CNTNAP2: variants seen among roughly 807,000 people sequenced by gnomAD.
CNTNAP2 encodes the protein contactin associated protein 2, also known as contactin-associated protein-like 2.
CNTNAP2 carries 98 observed loss-of-function variants against 155.2 expected under a neutral mutation model. The ratio of observed to expected loss-of-function variants is 0.63; its 90% CI spans 0.54 to 0.75. The LOEUF (loss-of-function observed/expected upper bound fraction) is 0.75. Ranked by LOEUF, CNTNAP2 falls within the 30% of genes least tolerant of loss-of-function variation. CNTNAP2 has a pLI of 0.00. For missense variants in CNTNAP2, 1,727 were observed against 1,688.1 expected (o/e 1.02, Z -0.40); for synonymous variants, 651 against 631.2 (o/e 1.03, Z -0.47).
At chr7:146,691,094 C>G (rs1341063372) in intron 1 of CNTNAP2, among the ~76,000 whole-genome samples, 3 of 152,104 alleles carry the variant, frequency 2.0e-5, no homozygotes, top group African/African-American at 7.2e-5. Context: ...ATATGTGTAC[C>G]TATAGCTGTT....
intron 8 of CNTNAP2, among the ~76,000 whole-genome samples, chr7:147,273,216 C>T (rs920030411): frequency 2.0e-5 from 3 of 152,078 alleles, no homozygotes; most frequent in African/African-American, 4.8e-5. Flanking sequence ...AATTTACAGT[C>T]TACGTTGAGG....
intron 11 of CNTNAP2, among the ~76,000 whole-genome samples, chr7:147,486,449 A>G (rs1437440192): frequency 6.6e-6 from 1 of 152,152 alleles, no homozygotes; most frequent in Non-Finnish European, 1.5e-5. Flanking sequence ...TGGAACATTT[A>G]GTTTCTGGAT....
In CNTNAP2 at chr7:147,132,497, G is replaced by A. The variant is rs956320440; in HGVS notation, c.1336G>A (p.Asp446Asn). ...CACACAGACCAAGATGAGCCAAATC[G>A]ATATTTCCTCAGGTCAGTGAAACCT... ...NITQTKMSQI[D>N]ISSGSGLNDG... The change falls in exon 8 of 24, where the codon GAT becomes AAT. Residue 446 changes from aspartate to asparagine, a missense_variant. Transcript: ENST00000361727. 5.0e-6 allele frequency: 8 copies of A among 1,613,490 alleles called. No individual in the cohort carries two copies. The highest frequency in any genetic ancestry group is 1.7e-4 in the Middle Eastern group (1 of 6,056).
chr7:147,022,784 AT>A (rs757685599), intron 3 of CNTNAP2, among the ~76,000 whole-genome samples: 19 of 152,198 alleles, frequency 1.2e-4, no homozygotes, highest in African/African-American at 2.9e-4. Context: ...TTGCCAAAGT[AT>A]TTTTTTCCTT....
At chr7:146,554,742 A>G (rs1798171717) in intron 1 of CNTNAP2, among the ~76,000 whole-genome samples, 1 of 152,218 alleles carries the variant, frequency 6.6e-6, no homozygotes, top group South Asian at 2.1e-4. Context: ...TGTGCAGGGT[A>G]CCGACCACAG....
intron 3 of CNTNAP2, among the ~76,000 whole-genome samples, chr7:146,928,393 G>A (rs1350727143): frequency 6.6e-6 from 1 of 152,134 alleles, no homozygotes; most frequent in African/African-American, 2.4e-5. Context: ...TGGTCGTTCT[G>A]GGTGATGTGT....
At chr7:146,638,731 C>T (rs370393860) in intron 1 of CNTNAP2, among the ~76,000 whole-genome samples, 11 of 151,452 alleles carry the variant, frequency 7.3e-5, no homozygotes, top group Admixed American at 1.3e-4. Flanking sequence ...GTGATCCACC[C>T]GCCTCGGCCT....
chr7:147,801,719 ACTT>A (rs1643415460), intron 13 of CNTNAP2, among the ~76,000 whole-genome samples: 1 of 152,298 alleles, frequency 6.6e-6, no homozygotes, highest in African/African-American at 2.4e-5. Flanking sequence ...TCCCATGTCT[ACTT>A]CTTTCTACAC....
chr7:146,346,379 A>G (rs1028737277), intron 1 of CNTNAP2, among the ~76,000 whole-genome samples: 3 of 152,170 alleles, frequency 2.0e-5, no homozygotes, highest in African/African-American at 7.2e-5. Context: ...TGGGTTGTGT[A>G]TTCCTTGTAA....
intron 15 of CNTNAP2, among the ~76,000 whole-genome samples, chr7:148,071,523 A>G (rs1803382733): frequency 6.6e-6 from 1 of 152,154 alleles, no homozygotes; most frequent in Non-Finnish European, 1.5e-5. Flanking sequence ...TAAAATATCT[A>G]GTGTGAGAGG....
At chr7:148,121,553 T>C (rs1804595458) in intron 16 of CNTNAP2, among the ~76,000 whole-genome samples, 1 of 152,238 alleles carries the variant, frequency 6.6e-6, no homozygotes, top group Admixed American at 6.5e-5. Flanking sequence ...TTGTTAGGCC[T>C]TCTGATCTCT....
intron 18 of CNTNAP2, among the ~76,000 whole-genome samples, chr7:148,207,290 T>G (rs557310192): frequency 6.6e-6 from 1 of 152,256 alleles, no homozygotes; most frequent in East Asian, 1.9e-4. Flanking sequence ...AATAGCTAAG[T>G]AGTCGGGCAG....
chr7:146,789,020 A>C (rs1180871745), intron 2 of CNTNAP2, among the ~76,000 whole-genome samples: 1 of 152,168 alleles, frequency 6.6e-6, no homozygotes, highest in African/African-American at 2.4e-5. Context: ...TGATATTCAC[A>C]AATGTAGAAA....
chr7:146,511,645 A>G (rs1379452166), intron 1 of CNTNAP2, among the ~76,000 whole-genome samples: 2 of 152,158 alleles, frequency 1.3e-5, no homozygotes, highest in African/African-American at 4.8e-5. Flanking sequence ...ATCATGATGA[A>G]TGATCTTTTT....
At chr7:147,666,809 A>C (rs1233261512) in intron 13 of CNTNAP2, among the ~76,000 whole-genome samples, 1 of 152,218 alleles carries the variant, frequency 6.6e-6, no homozygotes, top group Admixed American at 6.5e-5. Flanking sequence ...ACAAAGATGG[A>C]AAATCAGTAA....
At chr7:146,306,915 G>A (rs1018267217) in intron 1 of CNTNAP2, among the ~76,000 whole-genome samples, 3 of 152,018 alleles carry the variant, frequency 2.0e-5, no homozygotes, top group Non-Finnish European at 4.4e-5. Flanking sequence ...CTTTGAAAAC[G>A]GGCACAAGGC....
At chr7:146,547,924 G>A (rs1005123013) in intron 1 of CNTNAP2, among the ~76,000 whole-genome samples, 1 of 151,054 alleles carries the variant, frequency 6.6e-6, no homozygotes, top group Non-Finnish European at 1.5e-5. Flanking sequence ...ACCATGCATG[G>A]GCTCCATATC....
At chr7:146,956,671 T>G (rs2129229323) in intron 3 of CNTNAP2, among the ~76,000 whole-genome samples, 1 of 152,296 alleles carries the variant, frequency 6.6e-6, no homozygotes, top group South Asian at 2.1e-4. Context: ...TCTTTTGGGA[T>G]TTAGGCTTCT....
intron 1 of CNTNAP2, among the ~76,000 whole-genome samples, chr7:146,330,889 A>G (rs1436872677): frequency 6.6e-6 from 1 of 152,210 alleles, no homozygotes; most frequent in East Asian, 1.9e-4. Context: ...CAATTAGCCC[A>G]ATTATAATTG....
Sources: gnomAD v4.1 joint callset for allele counts (sites outside exome capture counted in the v4.1 genomes callset) on GRCh38, gnomAD v4.1.1 for gene constraint, MANE v1.5 for transcripts, NCBI Gene and HGNC (gene_info 2026-07-23, HGNC 2026-07-21) for gene names.